C2CD5: variants seen among roughly 807,000 people sequenced by gnomAD.
C2CD5 encodes C2 domain-containing protein 5.
C2CD5 carries 109 observed loss-of-function variants against 130.3 expected under a neutral mutation model. The ratio of observed to expected loss-of-function variants is 0.84; its 90% CI spans 0.72 to 0.98. C2CD5 has a LOEUF of 0.98. Ranked by LOEUF, C2CD5 falls within the 50% of genes least tolerant of loss-of-function variation. The probability of loss-of-function intolerance (pLI) is 0.00; values close to 1 mark genes in which losing one functional copy is unlikely to be tolerated. For missense variants in C2CD5, 996 were observed against 1,261.8 expected, an observed-to-expected ratio of 0.79 and a Z score of 3.19; for synonymous variants, 454 against 429.2, an observed-to-expected ratio of 1.06 and a Z score of -0.71.
At chr12:22,467,857 A>G (rs952710318) in intron 22 of C2CD5, among the ~76,000 whole-genome samples, 4 of 152,232 alleles carry the variant, frequency 2.6e-5, no homozygotes, top group East Asian at 1.9e-4. Context: ...AGCACCAGTT[A>G]TAATTCCTTT....
At chr12:22,465,460 T>C (rs540790157) in intron 22 of C2CD5, among the ~76,000 whole-genome samples, 96 of 152,142 alleles carry the variant, frequency 6.3e-4, no homozygotes, top group Non-Finnish European at 1.3e-3. Context: ...ATATAAGTTC[T>C]TAAGCCCTAC....
intron 25 of C2CD5, 48 bp from the exon 26 acceptor site, chr12:22,454,090 G>C: frequency 1.4e-6 from 2 of 1,394,030 alleles, no homozygotes; most frequent in Non-Finnish European, 2.0e-6. Flanking sequence ...CATGTGTATG[G>C]ATATAGGAAT....
chr12:22,483,832 T>C (rs1237116575), intron 13 of C2CD5, among the ~76,000 whole-genome samples: 3 of 151,956 alleles, frequency 2.0e-5, no homozygotes, highest in Non-Finnish European at 4.4e-5. Flanking sequence ...AAAAGGCTAA[T>C]AAGAAAAGTG....
At chr12:22,459,651 T>C in intron 22 of C2CD5, 109 bp from the exon 23 acceptor site, 1 of 591,488 alleles carries the variant, frequency 1.7e-6, no homozygotes, top group South Asian at 2.6e-5. Context: ...GAGGAAATCT[T>C]TATGGCTTCA....
At chr12:22,522,038 T>C (rs544494323) in intron 7 of C2CD5, among the ~76,000 whole-genome samples, 2 of 152,296 alleles carry the variant, frequency 1.3e-5, no homozygotes, top group African/African-American at 2.4e-5. Context: ...TGTCCTACCA[T>C]CTGTTTTGTA....
chr12:22,511,318 T>C (rs1027763255), intron 9 of C2CD5, among the ~76,000 whole-genome samples: 1 of 152,160 alleles, frequency 6.6e-6, no homozygotes, highest in Non-Finnish European at 1.5e-5. Context: ...CAGAATTAAG[T>C]CATATCTGAA....
chr12:22,505,661 C>T (rs57072633), intron 10 of C2CD5, among the ~76,000 whole-genome samples: 51 of 152,250 alleles, frequency 3.3e-4, no homozygotes, highest in African/African-American at 1.2e-3. Context: ...AAAGTTCCCA[C>T]TATTCATCAT....
chr12:22,461,791 G>A (rs970537157), intron 22 of C2CD5, among the ~76,000 whole-genome samples: 4 of 152,014 alleles, frequency 2.6e-5, no homozygotes, highest in Non-Finnish European at 4.4e-5. Flanking sequence ...CCTCAAATAC[G>A]AATGCATCTG....
chr12:22,528,114 A>C (rs1950890643), intron 3 of C2CD5, among the ~76,000 whole-genome samples: 1 of 152,208 alleles, frequency 6.6e-6, no homozygotes, highest in African/African-American at 2.4e-5. Flanking sequence ...TCTCAGCACA[A>C]GACTGGGATG....
chr12:22,536,547 C>T lies in C2CD5; in HGVS notation c.91-1203G>A, dbSNP rs550419122. Among the ~76,000 whole-genome samples the T allele has an allele frequency of 4.5e-4, 69 of 151,846 alleles. 1 individual carries two copies. The highest frequency in any genetic ancestry group is 8.5e-4 in the Non-Finnish European group (58 of 67,940). On this transcript the variant is annotated intron_variant, in intron 2 of 26. Coordinates refer to ENST00000446597, the MANE Select transcript of C2CD5 (RefSeq NM_001286176.2). The stretch of plus-strand genomic sequence containing the variant: ...TCATGTGCCCTATAAATAATGGAGT[C>T]GACTATATGTACTGTCACTAGAAGA...
intron 3 of C2CD5, among the ~76,000 whole-genome samples, chr12:22,531,646 T>G (rs980522036): frequency 6.6e-6 from 1 of 152,218 alleles, no homozygotes; most frequent in Non-Finnish European, 1.5e-5. Flanking sequence ...TCCATTTGCT[T>G]GAAAACCTTT....
At chr12:22,484,268 T>C (rs139972781) in intron 13 of C2CD5, 1 of 153,286 alleles carries the variant, frequency 6.5e-6, no homozygotes, top group East Asian at 1.9e-4. Flanking sequence ...CCAATTAGGA[T>C]TTCCTACTCC....
chr12:22,518,101 G>A lies in C2CD5; in HGVS notation c.837C>T (p.His279=). Residue 279 remains histidine, a synonymous_variant, in exon 8 of 27, where the codon CAC becomes CAT. Coordinates refer to ENST00000446597, the MANE Select transcript of C2CD5 (RefSeq NM_001286176.2). ...PFNEDPNPNT[H]SSGPSTPLKN... ...TCAGAGGGGTTGAGGGTCCTGATGAGTGAGTATTGGGATTGGGATCTTCAT... is the reference window on the plus strand; with the variant it reads ...TCAGAGGGGTTGAGGGTCCTGATGAATGAGTATTGGGATTGGGATCTTCAT... The A allele has an allele frequency of 6.2e-7, 1 of 1,613,696 alleles. No homozygotes were observed. Among genetic ancestry groups the A allele is most frequent in the Middle Eastern group, 1.7e-4 (1 of 6,060 alleles).
At chr12:22,490,470 A>G (rs1861222499) in intron 11 of C2CD5, among the ~76,000 whole-genome samples, 1 of 152,200 alleles carries the variant, frequency 6.6e-6, no homozygotes, top group Non-Finnish European at 1.5e-5. Context: ...ATTAAAGACA[A>G]TAACTTCATT....
intron 2 of C2CD5, among the ~76,000 whole-genome samples, chr12:22,539,861 G>A (rs1042475802): frequency 1.3e-5 from 2 of 152,018 alleles, no homozygotes; most frequent in East Asian, 1.9e-4. Flanking sequence ...AGGCATGGTG[G>A]TGCACTGGTA....
At chr12:22,470,757 T>C in intron 21 of C2CD5, 67 bp downstream of exon 21, 1 of 922,992 alleles carries the variant, frequency 1.1e-6, no homozygotes, top group East Asian at 2.4e-5. Flanking sequence ...ACCTGTCCTG[T>C]ATATTTTATC....
intron 10 of C2CD5, among the ~76,000 whole-genome samples, chr12:22,506,471 T>C (rs1180066551): frequency 9.9e-5 from 15 of 152,212 alleles, no homozygotes; most frequent in Admixed American, 9.2e-4. Context: ...TATTTAAGGA[T>C]TTCCTTAAAG....
Position 22,449,688 on chromosome 12 carries a change from G to C in C2CD5, c.*72C>G, listed in dbSNP as rs530737850. On this transcript the variant is annotated 3_prime_UTR_variant, in exon 27 of 27. Transcript: ENST00000446597. Reference sequence around the variant, plus strand: ...ATCTCAAGTTCAATTTTAAGTCTAAGAAGATAATTAATGACAAAATAACAG... The same window carrying C: ...ATCTCAAGTTCAATTTTAAGTCTAACAAGATAATTAATGACAAAATAACAG... 2.0e-4 allele frequency: 265 copies of C among 1,353,036 alleles called. No individual in the cohort carries two copies. Among genetic ancestry groups the C allele is most frequent in the Middle Eastern group, 3.8e-4 (2 of 5,290 alleles). 83.8% of individuals were successfully genotyped at this position (1,353,036 alleles called of 1,614,324 possible). A position where few individuals can be genotyped will look rare whatever the true frequency, so the allele number is the denominator to read the frequency against.
At chr12:22,478,251 A>T in intron 15 of C2CD5, 62 bp downstream of exon 15, 1 of 1,382,290 alleles carries the variant, frequency 7.2e-7, no homozygotes, top group South Asian at 1.2e-5. Flanking sequence ...CAATAAGATA[A>T]CCTAAAAATA....
Sources: gnomAD v4.1 joint callset for allele counts (sites outside exome capture counted in the v4.1 genomes callset) on GRCh38, gnomAD v4.1.1 for gene constraint, MANE v1.5 for transcripts, NCBI Gene and HGNC (gene_info 2026-07-23, HGNC 2026-07-21) for gene names.